Variants in NMBR observed in about 807,000 individuals in gnomAD.
The protein encoded by NMBR is neuromedin-B receptor.
A neutral mutation model predicts 20.5 loss-of-function variants in NMBR; 16 were observed. That is an observed-to-expected ratio of 0.78 (90% CI 0.53 to 1.19). NMBR has a LOEUF of 1.19. Among genes scored for constraint, NMBR ranks in the 50% most tolerant of loss-of-function variants. The pLI is 0.00. For missense variants in NMBR, 582 were observed against 499.1 expected (o/e 1.17, Z -1.58); for synonymous variants, 212 against 196.6 (o/e 1.08, Z -0.65).
chr6:142,130,279 T>C (rs1778116257), intron 1 of NMBR, among the ~76,000 whole-genome samples: 1 of 152,006 alleles, frequency 6.6e-6, no homozygotes, highest in African/African-American at 2.4e-5. Flanking sequence ...GGAGAAAATA[T>C]AGAGAGGTCA....
chr6:142,090,151 T>A (rs1777296319), intron 1 of NMBR, among the ~76,000 whole-genome samples: 1 of 152,044 alleles, frequency 6.6e-6, no homozygotes, highest in East Asian at 1.9e-4. Flanking sequence ...ACCATCTGAG[T>A]CTAATGTAAA....
intron 2 of NMBR, among the ~76,000 whole-genome samples, chr6:142,079,255 A>C (rs1484827132): frequency 6.6e-6 from 1 of 152,142 alleles, no homozygotes; most frequent in Non-Finnish European, 1.5e-5. Flanking sequence ...TTAGTAAGAG[A>C]GATGCCAACA....
intron 3 of NMBR, among the ~76,000 whole-genome samples, chr6:142,077,011 C>T (rs536401557): frequency 2.6e-5 from 4 of 152,270 alleles, no homozygotes; most frequent in South Asian, 2.1e-4. Flanking sequence ...AAGAGGAACC[C>T]AGGCCAGGAA....
At chr6:142,089,857 T>G (rs1256667135) in intron 1 of NMBR, among the ~76,000 whole-genome samples, 1 of 152,214 alleles carries the variant, frequency 6.6e-6, no homozygotes, top group Non-Finnish European at 1.5e-5. Context: ...TTACATGTGT[T>G]CAGGTGCACA....
At chr6:142,141,272 A>G (rs2114615347) in intron 1 of NMBR, among the ~76,000 whole-genome samples, 1 of 152,284 alleles carries the variant, frequency 6.6e-6, no homozygotes, top group African/African-American at 2.4e-5. Flanking sequence ...GATATCAGGG[A>G]TGCATCTAAA....
chr6:142,076,780 A>G (rs1203647500), intron 3 of NMBR, among the ~76,000 whole-genome samples: 1 of 152,190 alleles, frequency 6.6e-6, no homozygotes, highest in African/African-American at 2.4e-5. Context: ...GGTACCTTAC[A>G]TTTGTCTAAT....
At position 142,088,516 on chromosome 6, in the gene NMBR, G is replaced by A. The variant is rs762444627; in HGVS notation, c.143C>T (p.Ser48Phe). Residue 48 changes from serine to phenylalanine, a missense_variant, in exon 2 of 4, where the codon TCC becomes TTC. By Grantham distance (155) the Ser-to-Phe change is radical (BLOSUM62 -2). Transcript: ENST00000258042. ...TELVIRCVIPSLYLLIITVGL... is the reference protein window; with the variant it reads ...TELVIRCVIPFLYLLIITVGL... ...CACGGTGATGATGAGCAGGTAGAGG[G>A]ACGGGATCACACAGCGGATCACCAA... 2 of 1,614,020 alleles carry A rather than the reference G, an allele frequency of 1.2e-6. No individual in the cohort carries two copies.
chr6:142,114,502 C>T (rs1258951325), intron 1 of NMBR, among the ~76,000 whole-genome samples: 2 of 152,124 alleles, frequency 1.3e-5, no homozygotes, highest in African/African-American at 4.8e-5. Context: ...TATGAGACTC[C>T]TATATTCCTC....
chr6:142,088,351 C>G lies in NMBR; in HGVS notation c.308G>C (p.Arg103Pro). 1 of 1,613,998 alleles carries G rather than the reference C, an allele frequency of 6.2e-7. No homozygotes were observed. Among genetic ancestry groups the G allele is most frequent in the Non-Finnish European group, 8.5e-7 (1 of 1,180,020 alleles). ...LLTCVPVDAS[R>P]YFFDEWMFGK... Reference sequence around the variant, plus strand: ...AAACATCCACTCGTCGAAGAAGTAGCGCGAGGCGTCCACCGGGACGCAGGT... The same window carrying G: ...AAACATCCACTCGTCGAAGAAGTAGGGCGAGGCGTCCACCGGGACGCAGGT... Residue 103 changes from arginine (R) to proline (P), a missense_variant, in exon 2 of 4, where the codon CGC (arginine) becomes CCC (proline). Arg to Pro is a moderately radical substitution (Grantham distance 103). Transcript: ENST00000258042.
At chr6:142,080,513 C>A (rs1330733260) in intron 2 of NMBR, among the ~76,000 whole-genome samples, 4 of 151,844 alleles carry the variant, frequency 2.6e-5, no homozygotes, top group African/African-American at 4.8e-5. Flanking sequence ...TTTTGCCATG[C>A]TGCTCAGGCT....
intron 1 of NMBR, among the ~76,000 whole-genome samples, chr6:142,141,022 G>A (rs1778352519): frequency 6.6e-6 from 1 of 152,040 alleles, no homozygotes; most frequent in African/African-American, 2.4e-5. Context: ...AACTGACAAA[G>A]TAAATAGAAT....
intron 1 of NMBR, among the ~76,000 whole-genome samples, chr6:142,144,005 C>T (rs1374202963): frequency 6.6e-6 from 1 of 152,142 alleles, no homozygotes; most frequent in Non-Finnish European, 1.5e-5. Context: ...ATATAGTTAG[C>T]TTATTGTTTT....
At chr6:142,138,057 A>C (rs1273054496) in intron 1 of NMBR, among the ~76,000 whole-genome samples, 2 of 151,798 alleles carry the variant, frequency 1.3e-5, no homozygotes, top group African/African-American at 4.8e-5. Context: ...CACTGTGTTT[A>C]TATTAAGTTA....
chr6:142,088,276 C>T lies in NMBR; in HGVS notation c.383G>A (p.Gly128Glu). 2.5e-6 allele frequency: 4 copies of T among 1,613,642 alleles called. No individual in the cohort carries two copies. The highest frequency in any genetic ancestry group is 3.4e-6 in the Non-Finnish European group (4 of 1,180,016). Residue 128 changes from glycine to glutamate, a missense_variant, in exon 2 of 4, where the codon GGG becomes GAG. Transcript: ENST00000258042. ...LIPVIQLTSV[G>E]VSVFTLTALS... Reference sequence around the variant, plus strand: ...GGCAGTGAGAGTGAACACGGAAACCCCCACGGAAGTGAGCTGGATGACAGG... The same window carrying T: ...GGCAGTGAGAGTGAACACGGAAACCTCCACGGAAGTGAGCTGGATGACAGG...
Position 142,147,072 on chromosome 6 carries a change from C to T in NMBR, c.-692G>A, listed in dbSNP as rs3765443. 7.7e-4 allele frequency: 436 copies of T among 567,744 alleles called. 3 individuals are homozygous for T. In the East Asian group the frequency reaches 0.012, roughly 15 times the overall value. 35.2% of individuals were successfully genotyped at this position (567,744 alleles called of 1,614,324 possible). ...CAGAGAGCGCTAGCGCCATGCGCGG[C>T]ATAAGCGCCAAAATGCTCGGGTCTT... On this transcript the variant is annotated 5_prime_UTR_variant, in exon 1 of 4. The change abolishes an upstream ATG in the 5' untranslated region. Transcript: ENST00000258042.
intron 2 of NMBR, among the ~76,000 whole-genome samples, chr6:142,082,504 A>G (rs554568253): frequency 3.3e-5 from 5 of 152,328 alleles, no homozygotes; most frequent in African/African-American, 1.2e-4. Flanking sequence ...AGTAAAAAAA[A>G]GAGAGAATAT....
rs1300784330 is a variant in NMBR, at chr6:142,088,547, T to C, written c.112A>G (p.Thr38Ala). 1.2e-6 allele frequency: 2 copies of C among 1,613,614 alleles called. No individual in the cohort carries two copies. The highest frequency in any genetic ancestry group is 1.7e-6 in the Non-Finnish European group (2 of 1,179,964). ...DFLPASDGTT[T>A]ELVIRCVIPS... ...ATCACACAGCGGATCACCAACTCCG[T>C]GGTGGTCCCGTCCGAGGCCGGCAGG... The change falls in exon 2 of 4, where the codon ACG (threonine) becomes GCG (alanine). Residue 38 changes from threonine (T) to alanine (A), a missense_variant. Physicochemically the swap from Thr to Ala is moderately conservative, Grantham distance 58. Transcript: ENST00000258042.
chr6:142,138,243 C>A (rs1353138162), intron 1 of NMBR, among the ~76,000 whole-genome samples: 1 of 152,126 alleles, frequency 6.6e-6, no homozygotes, highest in Non-Finnish European at 1.5e-5. Flanking sequence ...TAGTCAAATA[C>A]TAAGGTTTTC....
intron 1 of NMBR, among the ~76,000 whole-genome samples, chr6:142,122,491 A>G (rs143182732): frequency 4.6e-3 from 706 of 152,128 alleles, no homozygotes; most frequent in Admixed American, 9.2e-3. Context: ...ATAATTGATG[A>G]AGGTGGCAAC....
Sources: allele counts gnomAD v4.1 joint callset (sites outside exome capture counted in the v4.1 genomes callset), GRCh38; gene constraint gnomAD v4.1.1; transcripts MANE v1.5; gene names NCBI Gene and HGNC (gene_info 2026-07-23, HGNC 2026-07-21).